IMMP2L: variants seen among roughly 807,000 people sequenced by gnomAD.
IMMP2L encodes mitochondrial inner membrane protease subunit 2.
In IMMP2L, 18 loss-of-function variants were observed where a neutral mutation model predicts 19.3. That is an observed-to-expected ratio of 0.93 (90% CI 0.64 to 1.38). The LOEUF is 1.38. Ranked by LOEUF, IMMP2L falls within the 40% of genes most tolerant of loss-of-function variation. The pLI, the probability that IMMP2L is intolerant of heterozygous loss-of-function variation, is 0.00. For missense variants in IMMP2L, 233 were observed against 218.2 expected (o/e 1.07, Z -0.43); for synonymous variants, 76 against 73.0 (o/e 1.04, Z -0.21).
intron 5 of IMMP2L, among the ~76,000 whole-genome samples, chr7:110,826,094 C>T (rs1269124267): frequency 2.0e-5 from 3 of 152,214 alleles, no homozygotes; most frequent in Non-Finnish European, 4.4e-5. Flanking sequence ...AAATGCTCAT[C>T]ATCACTGGCC....
At chr7:111,084,905 A>G (rs1796183527) in intron 3 of IMMP2L, among the ~76,000 whole-genome samples, 1 of 152,230 alleles carries the variant, frequency 6.6e-6, no homozygotes, top group Non-Finnish European at 1.5e-5. Flanking sequence ...GTTCAGGATT[A>G]AAGGGATGAT....
In IMMP2L at chr7:110,691,890, A is replaced by G. The variant is rs181664149; in HGVS notation, c.409-28169T>C. On this transcript the variant is annotated intron_variant, in intron 5 of 5. Transcript: ENST00000405709. ...AATTAGTGCAACCTCTGTGGAAAGCAGTATGAAGATTTCTCAAAGAAATTA... is the reference window on the plus strand; with the variant it reads ...AATTAGTGCAACCTCTGTGGAAAGCGGTATGAAGATTTCTCAAAGAAATTA... Among the ~76,000 whole-genome samples, 216 of 152,358 alleles carry G rather than the reference A, an allele frequency of 1.4e-3. 1 individual carries two copies. Among genetic ancestry groups the G allele is most frequent in the Admixed American group, 2.1e-3 (32 of 15,298 alleles).
intron 3 of IMMP2L, among the ~76,000 whole-genome samples, chr7:111,384,270 G>GAGGAGAA (rs1026733936): frequency 7.3e-6 from 1 of 136,568 alleles, no homozygotes; most frequent in South Asian, 2.3e-4. Flanking sequence ...AGAAAGGAGA[G>GAGGAGAA]AGGAGAAAGG....
At chr7:110,775,323 T>C (rs1380618191) in intron 5 of IMMP2L, among the ~76,000 whole-genome samples, 1 of 151,412 alleles carries the variant, frequency 6.6e-6, no homozygotes, top group Admixed American at 6.6e-5. Flanking sequence ...TTAAAGTGTG[T>C]ACATTTACAA....
chr7:110,670,523 C>T (rs1791824584), intron 5 of IMMP2L, among the ~76,000 whole-genome samples: 1 of 151,984 alleles, frequency 6.6e-6, no homozygotes, highest in African/African-American at 2.4e-5. Flanking sequence ...AACCCTGTCT[C>T]TACTAAAAAT....
chr7:111,251,050 T>C (rs1816049986), intron 3 of IMMP2L, among the ~76,000 whole-genome samples: 1 of 151,450 alleles, frequency 6.6e-6, no homozygotes, highest in African/African-American at 2.4e-5. Flanking sequence ...ACAAACAAAT[T>C]TACAGGAAAC....
intron 3 of IMMP2L, among the ~76,000 whole-genome samples, chr7:111,178,169 A>C (rs1287585592): frequency 6.6e-6 from 1 of 152,068 alleles, no homozygotes; most frequent in East Asian, 1.9e-4. Context: ...TTAATACAGC[A>C]ATAAAGCAAG....
At chr7:111,464,637 AGCT>A (rs1351851398) in intron 3 of IMMP2L, among the ~76,000 whole-genome samples, 2 of 152,170 alleles carry the variant, frequency 1.3e-5, no homozygotes, top group Non-Finnish European at 2.9e-5. Context: ...TATGAGCATT[AGCT>A]GCTATTATTA....
chr7:111,182,982 A>G (rs942138167), intron 3 of IMMP2L, among the ~76,000 whole-genome samples: 1 of 152,018 alleles, frequency 6.6e-6, no homozygotes, highest in Admixed American at 6.6e-5. Context: ...GCCTTGCTAG[A>G]TTGCATAAGC....
intron 5 of IMMP2L, among the ~76,000 whole-genome samples, chr7:110,792,060 G>A (rs1410815548): frequency 6.6e-6 from 1 of 151,788 alleles, no homozygotes; most frequent in African/African-American, 2.4e-5. Context: ...TCTACAGTCA[G>A]AGAACTGGAT....
At chr7:110,878,203 G>A (rs576472899) in intron 5 of IMMP2L, among the ~76,000 whole-genome samples, 15 of 152,212 alleles carry the variant, frequency 9.9e-5, no homozygotes, top group South Asian at 6.2e-4. Flanking sequence ...CCACAGTTGT[G>A]CATGGTGACA....
chr7:110,934,442 C>T (rs1365806254), intron 4 of IMMP2L, among the ~76,000 whole-genome samples: 1 of 151,866 alleles, frequency 6.6e-6, no homozygotes, highest in Non-Finnish European at 1.5e-5. Context: ...GGAGATGTTT[C>T]CAATTTTCTC....
intron 3 of IMMP2L, among the ~76,000 whole-genome samples, chr7:111,040,026 G>A (rs536099553): frequency 4.6e-5 from 7 of 152,150 alleles, no homozygotes; most frequent in African/African-American, 1.2e-4. Flanking sequence ...TTAGCTGGGC[G>A]TGGTGGCACA....
chr7:110,973,789 A>G (rs1820403890), intron 3 of IMMP2L, among the ~76,000 whole-genome samples: 1 of 152,098 alleles, frequency 6.6e-6, no homozygotes, highest in Non-Finnish European at 1.5e-5. Context: ...TTCTGTACAC[A>G]TACAAAATGG....
intron 3 of IMMP2L, among the ~76,000 whole-genome samples, chr7:111,070,445 G>GA (rs761748783): frequency 6.7e-6 from 1 of 149,054 alleles, no homozygotes; most frequent in Non-Finnish European, 1.5e-5. Context: ...ACAACAGCTA[G>GA]AAAAAACTTA....
chr7:111,550,803 C>T (rs1849382780), intron 1 of IMMP2L, among the ~76,000 whole-genome samples: 1 of 152,080 alleles, frequency 6.6e-6, no homozygotes, highest in African/African-American at 2.4e-5. Flanking sequence ...CCCACTGTAG[C>T]CTGCTTATCC....
At chr7:110,882,329 C>CTTCCTTCCTTCCTTCCT (rs1554445739) in intron 5 of IMMP2L, among the ~76,000 whole-genome samples, 2,178 of 127,660 alleles carry the variant, frequency 0.017, 51 homozygotes, top group South Asian at 0.031. Flanking sequence ...TCCTTCCTTC[C>CTTCCTTCCTTCCTTCCT]TTCCTTCCTT....
chr7:111,219,596 T>C (rs892125051), intron 3 of IMMP2L, among the ~76,000 whole-genome samples: 7 of 152,052 alleles, frequency 4.6e-5, no homozygotes, highest in African/African-American at 1.4e-4. Flanking sequence ...TTTATTATGA[T>C]TTCTTAGGAT....
At chr7:111,087,567 T>C (rs1158246731) in intron 3 of IMMP2L, among the ~76,000 whole-genome samples, 1 of 152,016 alleles carries the variant, frequency 6.6e-6, no homozygotes, top group African/African-American at 2.4e-5. Flanking sequence ...TTAATATATA[T>C]AAAATATACA....
Sources: allele counts gnomAD v4.1 joint callset (sites outside exome capture counted in the v4.1 genomes callset), GRCh38; gene constraint gnomAD v4.1.1; transcripts MANE v1.5; gene names NCBI Gene and HGNC (gene_info 2026-07-23, HGNC 2026-07-21).